Variants in TMPO observed in about 807,000 individuals in gnomAD.
TMPO encodes the protein thymopoietin.
A neutral mutation model predicts 45.4 loss-of-function variants in TMPO; 22 were observed. The observed-to-expected ratio is 0.48, with a 90% CI of 0.35 to 0.69. TMPO has a LOEUF of 0.69. Ranked by LOEUF, TMPO falls within the 30% of genes least tolerant of loss-of-function variation. The pLI is 0.01. For missense variants in TMPO, 512 were observed against 548.8 expected (o/e 0.93, Z 0.67); for synonymous variants, 241 against 204.1 (o/e 1.18, Z -1.54).
chr12:98,530,347 A>G (rs1877105006), intron 2 of TMPO, among the ~76,000 whole-genome samples: 2 of 152,182 alleles, frequency 1.3e-5, no homozygotes, highest in African/African-American at 4.8e-5. Flanking sequence ...AAAAAAAAAA[A>G]AAGAAATTCC....
At position 98,549,244 on chromosome 12, in the gene TMPO, G is replaced by A. The variant is rs1565819300; in HGVS notation, c.*1386G>A. The A allele has an allele frequency of 1.3e-5, 2 of 152,080 alleles. No homozygotes were observed. The highest frequency in any genetic ancestry group is 2.9e-5 in the Non-Finnish European group (2 of 68,032). The allele number at this position is 152,080 out of a possible 1,614,324, so 9.4% of individuals were successfully genotyped here. A position where few individuals can be genotyped will look rare whatever the true frequency, so the allele number is the denominator to read the frequency against. ...TTTTTTATTTTTTTATTTTTTATGA[G>A]ATGGAGTCTCACTCTTGTCACCCAG... On this transcript the variant is annotated 3_prime_UTR_variant, in exon 9 of 9. Coordinates refer to ENST00000556029, the MANE Select transcript of TMPO (RefSeq NM_001032283.3).
chr12:98,535,689 C>G, intron 3 of TMPO: 1 of 984,518 alleles, frequency 1.0e-6, no homozygotes, highest in Non-Finnish European at 1.2e-6. Flanking sequence ...GGAGTTGCAA[C>G]AAGTTAAATA....
At chr12:98,525,660 G>C (rs1390854356) in intron 1 of TMPO, among the ~76,000 whole-genome samples, 1 of 151,390 alleles carries the variant, frequency 6.6e-6, no homozygotes, top group Non-Finnish European at 1.5e-5. Context: ...AGAATCACTT[G>C]GACCTTGGAT....
Position 98,532,834 on chromosome 12 carries a change from G to A in TMPO, c.565+996G>A, listed in dbSNP as rs1276631548. ...TTTTGCCTCTACAGGAAAGAAGAAA[G>A]AACACAAGAAAGTGAAGTCCACTAG... On this transcript the variant is annotated intron_variant, in intron 3 of 8. Transcript: ENST00000556029. The A allele has an allele frequency of 2.5e-6, 4 of 1,614,008 alleles. No homozygotes were observed. The highest frequency in any genetic ancestry group is 3.4e-6 in the Non-Finnish European group (4 of 1,180,000).
At chr12:98,530,597 T>C (rs1038711812) in intron 2 of TMPO, among the ~76,000 whole-genome samples, 5 of 152,232 alleles carry the variant, frequency 3.3e-5, no homozygotes, top group African/African-American at 1.2e-4. Context: ...GTATTAAGAA[T>C]TTGTAATCAA....
At chr12:98,544,750 TATAAGG>T in intron 6 of TMPO, 195 bp from the exon 7 acceptor site, 2 of 648,516 alleles carry the variant, frequency 3.1e-6, no homozygotes, top group Non-Finnish European at 5.3e-6. Context: ...TACAAGAAAG[TATAAGG>T]ATATTTTTTG....
intron 3 of TMPO, chr12:98,534,255 T>A: frequency 6.2e-7 from 1 of 1,613,792 alleles, no homozygotes; most frequent in Non-Finnish European, 8.5e-7. Flanking sequence ...CTTCTAAGAA[T>A]AAGCTGGCTT....
At chr12:98,521,148 C>T (rs932801879) in intron 1 of TMPO, among the ~76,000 whole-genome samples, 15 of 122,886 alleles carry the variant, frequency 1.2e-4, no homozygotes, top group Admixed American at 1.9e-4. Context: ...CGCTCTGTCA[C>T]CCAGGCTGGA....
intron 1 of TMPO, chr12:98,516,466 G>A (rs1483445302): frequency 3.5e-6 from 4 of 1,132,908 alleles, no homozygotes; most frequent in Admixed American, 4.9e-5. Context: ...TTTAGACGGG[G>A]ACTTCCGTGC....
At chr12:98,516,498 G>T in intron 1 of TMPO, 7 of 1,090,206 alleles carry the variant, frequency 6.4e-6, no homozygotes, top group Non-Finnish European at 7.8e-6. Flanking sequence ...CTCTGGAGGG[G>T]TGGCCCCAAA....
rs1430282866 is a variant in TMPO at position 98,548,158 on chromosome 12, TG to T, written c.*301del. The T allele has an allele frequency of 1.1e-5, 3 of 269,294 alleles. No homozygotes were observed. Among genetic ancestry groups the T allele is most frequent in the South Asian group, 1.1e-4 (2 of 18,462 alleles). The allele number at this position is 269,294 out of a possible 1,614,324, so 16.7% of individuals were successfully genotyped here. A position where few individuals can be genotyped will look rare whatever the true frequency, so the allele number is the denominator to read the frequency against. ...TATTTCATTTTTGAAAAAATGTATA[TG>T]TTTTTTGTGTATTTGGGAAACGAAG... On this transcript the variant is annotated 3_prime_UTR_variant, in exon 9 of 9. Coordinates refer to ENST00000556029, the MANE Select transcript of TMPO (RefSeq NM_001032283.3).
In TMPO at chr12:98,534,099, G is replaced by T. The variant is rs373227285; in HGVS notation, c.565+2261G>T. On this transcript the variant is annotated intron_variant, in intron 3 of 8. Transcript: ENST00000556029. ...CAGATCCTAGTCGTACCCACCAAGC[G>T]CTTGGGATTCTGAGCAAAACATATG... is the stretch of plus-strand genomic sequence containing the variant. 17 of 1,612,720 alleles carry T rather than the reference G, an allele frequency of 1.1e-5. No individual in the cohort carries two copies. The Admixed American group carries it at 1.3e-4, about 13-fold the overall frequency.
intron 1 of TMPO, among the ~76,000 whole-genome samples, chr12:98,517,985 A>C (rs899462845): frequency 3.3e-5 from 5 of 152,170 alleles, no homozygotes; most frequent in Non-Finnish European, 7.3e-5. Context: ...CCATATGGTG[A>C]AACCCCGTTT....
In TMPO at chr12:98,531,795, G is replaced by C. The variant is rs1215275954; in HGVS notation, c.522G>C (p.Gln174His). 1.2e-6 allele frequency: 2 copies of C among 1,613,820 alleles called. No individual in the cohort carries two copies. Among genetic ancestry groups the C allele is most frequent in the South Asian group, 1.1e-5 (1 of 91,062 alleles). Residue 174 changes from glutamine to histidine, a missense_variant, in exon 3 of 9, where the codon CAG (glutamine) becomes CAC (histidine). Coordinates refer to ENST00000556029, the MANE Select transcript of TMPO (RefSeq NM_001032283.3). ...CTTCTTCAGCAGAAAATACAAGGCA[G>C]AATGGAAGTAATGATTCTGACAGAT... ...TISSSAENTR[Q>H]NGSNDSDRYS...
chr12:98,520,149 G>A (rs751060602), intron 1 of TMPO, among the ~76,000 whole-genome samples: 1 of 151,332 alleles, frequency 6.6e-6, no homozygotes, highest in East Asian at 1.9e-4. Context: ...TAGTGGAGAC[G>A]GGGTTTCACC....
chr12:98,545,088 C>A, intron 7 of TMPO, 27 bp downstream of exon 7: 33 of 1,358,858 alleles, frequency 2.4e-5, no homozygotes, highest in African/African-American at 4.3e-5. Flanking sequence ...TAGATCGATG[C>A]TATCATTGAT....
In TMPO at chr12:98,521,099, A is replaced by ATTTT. The variant is rs1565804759; in HGVS notation, c.279+4953_279+4954insTTTT. Among the ~76,000 whole-genome samples, 24 of 93,014 alleles carry ATTTT rather than the reference A, an allele frequency of 2.6e-4. 2 individuals carry two copies. The highest frequency in any genetic ancestry group is 9.7e-4 in the African/African-American group (24 of 24,758). The allele number at this position is 93,014 out of a possible 152,430, so 61.0% of individuals were successfully genotyped here. ...TCTATTTAATCATGGGTTTATGAGG[A>ATTTT]ATTTTTTTTTTTTTTTTTTTTTTTT... On this transcript the variant is annotated intron_variant, in intron 1 of 8. Transcript: ENST00000556029.
At position 98,534,202 on chromosome 12, in the gene TMPO, GGTC is replaced by G. The variant is rs755715445; in HGVS notation, c.565+2369_565+2371del. The G allele has an allele frequency of 5.0e-6, 8 of 1,613,846 alleles. No homozygotes were observed. The highest frequency in any genetic ancestry group is 6.8e-6 in the Non-Finnish European group (8 of 1,179,910). On this transcript the variant is annotated intron_variant, in intron 3 of 8. Transcript: ENST00000556029. ...CCATACCATGGGAAATGCCACTGTA[GGTC>G]GTCGATACCTCTGGCTGAAGGATTG...
rs2121264646 is a variant in TMPO, at chr12:98,548,115, T to C, written c.*257T>C. 1 of 367,320 alleles carries C rather than the reference T, an allele frequency of 2.7e-6. No homozygotes were observed. Among genetic ancestry groups the C allele is most frequent in the Middle Eastern group, 7.9e-4 (1 of 1,264 alleles). 22.8% of individuals were successfully genotyped at this position (367,320 alleles called of 1,614,324 possible). On this transcript the variant is annotated 3_prime_UTR_variant, in exon 9 of 9. Coordinates refer to ENST00000556029, the MANE Select transcript of TMPO (RefSeq NM_001032283.3). ...TCTGGAACTTTTTGTAGGCTTTATTTTTTTAATGTGGGCATCTTATTTCAT... is the reference window on the plus strand; with the variant it reads ...TCTGGAACTTTTTGTAGGCTTTATTCTTTTAATGTGGGCATCTTATTTCAT...
Sources: gnomAD v4.1 joint callset for allele counts (sites outside exome capture counted in the v4.1 genomes callset) on GRCh38, gnomAD v4.1.1 for gene constraint, MANE v1.5 for transcripts, NCBI Gene and HGNC (gene_info 2026-07-23, HGNC 2026-07-21) for gene names.